The following FOXP1 variants were observed in gnomAD, a reference collection of about 807,000 sequenced individuals.
FOXP1 encodes forkhead box P1.
Under a neutral mutation model 98.2 loss-of-function variants are expected in FOXP1, and 15 were observed. That is an observed-to-expected ratio of 0.15 (90% CI 0.10 to 0.24). The LOEUF is 0.24. FOXP1 is among the 10% of genes least tolerant of loss of function. The pLI is 1.00. For synonymous variants in FOXP1, 371 were observed against 314.5 expected, an observed-to-expected ratio of 1.18 and a Z score of -1.90; for missense variants, 633 against 848.5, an observed-to-expected ratio of 0.75 and a Z score of 3.15.
At chr3:71,461,621 T>C (rs2088122325) in intron 3 of FOXP1, among the ~76,000 whole-genome samples, 1 of 151,824 alleles carries the variant, frequency 6.6e-6, no homozygotes, top group South Asian at 2.1e-4. Context: ...GCCAAGATGA[T>C]GAAACCCCGT....
chr3:71,565,505 G>C (rs1048358150), intron 2 of FOXP1, among the ~76,000 whole-genome samples: 1 of 152,082 alleles, frequency 6.6e-6, no homozygotes, highest in African/African-American at 2.4e-5. Flanking sequence ...TACTCAAGAC[G>C]ACACCTGCCT....
At chr3:70,972,933 A>G (rs2036579845) in intron 17 of FOXP1, among the ~76,000 whole-genome samples, 1 of 152,086 alleles carries the variant, frequency 6.6e-6, no homozygotes, top group Non-Finnish European at 1.5e-5. Context: ...ATTTTTTAAT[A>G]TGCATACAAG....
chr3:71,130,395 G>C (rs2059492845), intron 6 of FOXP1: 2 of 1,147,092 alleles, frequency 1.7e-6, no homozygotes, highest in Admixed American at 2.0e-5. Context: ...AAACAAGTTG[G>C]ATCACCTTAT....
At chr3:71,142,667 G>A (rs927527229) in intron 6 of FOXP1, among the ~76,000 whole-genome samples, 1 of 152,152 alleles carries the variant, frequency 6.6e-6, no homozygotes, top group East Asian at 1.9e-4. Flanking sequence ...CAACATCCTG[G>A]ATGAGCTTAG....
rs1362584934 is a variant in FOXP1, at chr3:71,089,916, A to G, written c.282+22620T>C. Among the ~76,000 whole-genome samples, 3 of 152,204 alleles carry G rather than the reference A, an allele frequency of 2.0e-5. No homozygotes were observed. In the East Asian group the frequency reaches 5.8e-4, roughly 29 times the overall value. ...AGTTGAAGTCCATGGCAAAGTGGGAATGGGCAGCATTTCTCTGCTCCAGAT... is the reference window on the plus strand; with the variant it reads ...AGTTGAAGTCCATGGCAAAGTGGGAGTGGGCAGCATTTCTCTGCTCCAGAT... On this transcript the variant is annotated intron_variant, in intron 7 of 20. Coordinates refer to ENST00000649528, the MANE Select transcript of FOXP1 (RefSeq NM_001349338.3).
intron 2 of FOXP1, among the ~76,000 whole-genome samples, chr3:71,531,781 C>T (rs187511558): frequency 6.6e-6 from 1 of 152,268 alleles, no homozygotes; most frequent in East Asian, 1.9e-4. Context: ...TAACTGGGAA[C>T]GTTTGTGTGT....
At chr3:71,514,863 C>T (rs904697606) in intron 2 of FOXP1, among the ~76,000 whole-genome samples, 2 of 152,168 alleles carry the variant, frequency 1.3e-5, no homozygotes, top group South Asian at 2.1e-4. Flanking sequence ...CATCCTTTAT[C>T]GCTCCTCTTC....
chr3:71,297,245 G>GATT (rs1224238237), intron 5 of FOXP1, among the ~76,000 whole-genome samples: 1 of 152,152 alleles, frequency 6.6e-6, no homozygotes, highest in Non-Finnish European at 1.5e-5. Flanking sequence ...ACTTGATAGT[G>GATT]ATTATGAAGA....
chr3:71,342,155 G>T (rs573532257), intron 4 of FOXP1, among the ~76,000 whole-genome samples: 1 of 152,222 alleles, frequency 6.6e-6, no homozygotes, highest in South Asian at 2.1e-4. Flanking sequence ...TCCACATGAG[G>T]TTCCATGTAC....
chr3:71,367,783 C>T (rs1162330973), intron 3 of FOXP1, among the ~76,000 whole-genome samples: 1 of 152,116 alleles, frequency 6.6e-6, no homozygotes, highest in Non-Finnish European at 1.5e-5. Flanking sequence ...CAATTTTCTC[C>T]TTAAGAAATA....
intron 5 of FOXP1, among the ~76,000 whole-genome samples, chr3:71,239,272 G>A (rs753437293): frequency 5.9e-5 from 9 of 152,194 alleles, no homozygotes; most frequent in Non-Finnish European, 1.2e-4. Flanking sequence ...GCCCAGGCAC[G>A]GTGGCTCATG....
intron 5 of FOXP1, among the ~76,000 whole-genome samples, chr3:71,233,975 G>A (rs1308490496): frequency 1.3e-5 from 2 of 152,010 alleles, no homozygotes; most frequent in Non-Finnish European, 2.9e-5. Flanking sequence ...TATTATCTGG[G>A]GTGGGAGGGC....
intron 2 of FOXP1, among the ~76,000 whole-genome samples, chr3:71,534,289 G>A (rs185255103): frequency 9.6e-4 from 146 of 152,238 alleles, no homozygotes; most frequent in Admixed American, 4.0e-3. Context: ...CTTGGACCTG[G>A]GGGGGTGGAG....
At chr3:71,184,178 C>T (rs1236128841) in intron 6 of FOXP1, among the ~76,000 whole-genome samples, 2 of 151,990 alleles carry the variant, frequency 1.3e-5, no homozygotes, top group Non-Finnish European at 2.9e-5. Context: ...CAAAAAAGCC[C>T]TTCAGATGAT....
chr3:71,240,389 C>T (rs1320439477), intron 5 of FOXP1, among the ~76,000 whole-genome samples: 4 of 152,180 alleles, frequency 2.6e-5, no homozygotes, highest in Admixed American at 2.6e-4. Context: ...AGGGTAGCAG[C>T]GATGGGCCTA....
At chr3:71,377,112 T>C (rs1387962637) in intron 3 of FOXP1, among the ~76,000 whole-genome samples, 1 of 152,154 alleles carries the variant, frequency 6.6e-6, no homozygotes, top group Non-Finnish European at 1.5e-5. Context: ...TTTAAGCAAA[T>C]TTAAGAGAGT....
chr3:71,349,521 T>C (rs753910331), intron 4 of FOXP1, among the ~76,000 whole-genome samples: 10 of 152,186 alleles, frequency 6.6e-5, no homozygotes, highest in Non-Finnish European at 1.0e-4. Context: ...GGAGAAAATA[T>C]GATGGACATG....
chr3:71,488,251 T>C (rs913007042), intron 3 of FOXP1, among the ~76,000 whole-genome samples: 10 of 152,226 alleles, frequency 6.6e-5, no homozygotes, highest in Admixed American at 5.9e-4. Context: ...TTAAATGCAA[T>C]CTTCTAATTG....
At chr3:71,501,581 C>T (rs990415893) in intron 2 of FOXP1, among the ~76,000 whole-genome samples, 2 of 152,106 alleles carry the variant, frequency 1.3e-5, no homozygotes, top group Non-Finnish European at 2.9e-5. Context: ...CGTGAGCCAC[C>T]GTGCCCAGCC....
Sources: gnomAD v4.1 joint callset for allele counts (sites outside exome capture counted in the v4.1 genomes callset) on GRCh38, gnomAD v4.1.1 for gene constraint, MANE v1.5 for transcripts, NCBI Gene and HGNC (gene_info 2026-07-23, HGNC 2026-07-21) for gene names.